The following KCNA2 variants were observed in gnomAD, a reference collection of about 807,000 sequenced individuals.
The protein encoded by KCNA2 is potassium channel, voltage gated shaker related subfamily A, member 2.
KCNA2 carries 11 observed loss-of-function variants against 33.4 expected under a neutral mutation model. The ratio of observed to expected loss-of-function variants is 0.33; its 90% CI spans 0.21 to 0.55. The LOEUF is 0.55. Among genes scored for constraint, KCNA2 ranks in the 20% least tolerant of loss-of-function variants. KCNA2 has a pLI of 0.93. For missense variants in KCNA2, 291 were observed against 621.6 expected (o/e 0.47, Z 5.66); for synonymous variants, 222 against 231.3 (o/e 0.96, Z 0.37).
rs1356261638 is a variant in KCNA2 at position 110,595,126 on chromosome 1, C to G, written c.*8157G>C. 1 of 984,678 alleles carries G rather than the reference C, an allele frequency of 1.0e-6. No individual in the cohort carries two copies. Among genetic ancestry groups the G allele is most frequent in the Admixed American group, 6.2e-5 (1 of 16,224 alleles). The allele number at this position is 984,678 out of a possible 1,614,324, so 61.0% of individuals were successfully genotyped here. On this transcript the variant is annotated 3_prime_UTR_variant, in exon 3 of 3. Transcript: ENST00000316361. ...GTCCTCTGGATAGCTACCAAGGGTCCTAGCACACAGCCACATCTACACTGC... is the reference window on the plus strand; with the variant it reads ...GTCCTCTGGATAGCTACCAAGGGTCGTAGCACACAGCCACATCTACACTGC...
At chr1:110,629,547 C>A (rs999457769) in intron 1 of KCNA2, among the ~76,000 whole-genome samples, 1 of 152,176 alleles carries the variant, frequency 6.6e-6, no homozygotes, top group South Asian at 2.1e-4. Context: ...TCTTCCTCAG[C>A]ACAGTTACTC....
At chr1:110,630,384 T>C (rs942067997) in intron 1 of KCNA2, among the ~76,000 whole-genome samples, 15 of 152,206 alleles carry the variant, frequency 9.9e-5, no homozygotes, top group African/African-American at 3.4e-4. Context: ...TGAGTTACTA[T>C]GTATTATTTG....
chr1:110,599,818 T>A lies in KCNA2; in HGVS notation c.*3465A>T, dbSNP rs527709220. On this transcript the variant is annotated 3_prime_UTR_variant, in exon 3 of 3. Coordinates refer to ENST00000316361, the MANE Select transcript of KCNA2 (RefSeq NM_004974.4). ...AAGGGGAGCCTGGGCTATTGGGTTG[T>A]CTGTGCGGATTTGCTGGAAGGAAGG... 1.0e-6 allele frequency: 1 copy of A among 985,394 alleles called. No homozygotes were observed. The highest frequency in any genetic ancestry group is 1.7e-5 in the African/African-American group (1 of 57,192). 61.0% of individuals were successfully genotyped at this position (985,394 alleles called of 1,614,324 possible).
chr1:110,629,357 T>C (rs985056701), intron 1 of KCNA2, among the ~76,000 whole-genome samples: 1 of 152,220 alleles, frequency 6.6e-6, no homozygotes, highest in African/African-American at 2.4e-5. Flanking sequence ...ATTTTTATTA[T>C]AGAAATTGAA....
Position 110,604,656 on chromosome 1 carries a change from G to T in KCNA2, c.127C>A (p.Arg43=). ...AAGGTCTTTAGCTGGGTCTCAAACCGCAGCCCTGAGATGTTGATCACCACC... is the reference window on the plus strand; with the variant it reads ...AAGGTCTTTAGCTGGGTCTCAAACCTCAGCCCTGAGATGTTGATCACCACC... The part of the protein sequence containing the change: ...ERVVINISGL[R]FETQLKTLAQ... The change falls in exon 3 of 3, where the codon CGG becomes AGG. Residue 43 remains arginine, a synonymous_variant. Coordinates refer to ENST00000316361, the MANE Select transcript of KCNA2 (RefSeq NM_004974.4). This position sits in a 1 kb window ranked among gnomAD's most constrained non-coding sequence, Gnocchi z 7.6. 2 of 1,614,166 alleles carry T rather than the reference G, an allele frequency of 1.2e-6. No individual in the cohort carries two copies. The highest frequency in any genetic ancestry group is 2.2e-5 in the South Asian group (2 of 91,082).
chr1:110,604,429 C>T lies in KCNA2; in HGVS notation c.354G>A (p.Leu118=). ...IFSEEIRFYE[L]GEEAMEMFRE... Reference sequence around the variant, plus strand: ...GAAACATCTCCATCGCTTCTTCTCCCAGCTCATAAAACCGAATTTCTTCAG... The same window carrying T: ...GAAACATCTCCATCGCTTCTTCTCCTAGCTCATAAAACCGAATTTCTTCAG... Residue 118 remains leucine, a synonymous_variant, in exon 3 of 3, where the codon CTG becomes CTA. Transcript: ENST00000316361. The surrounding 1 kb of genome is among the most constrained non-coding windows in gnomAD (Gnocchi z 7.6). 1 of 1,614,158 alleles carries T rather than the reference C, an allele frequency of 6.2e-7. No homozygotes were observed. The highest frequency in any genetic ancestry group is 8.5e-7 in the Non-Finnish European group (1 of 1,180,038).
intron 1 of KCNA2, among the ~76,000 whole-genome samples, chr1:110,622,200 G>T (rs1037021321): frequency 6.6e-6 from 1 of 152,056 alleles, no homozygotes; most frequent in African/African-American, 2.4e-5. Context: ...TTAACTTTAA[G>T]AAATCAATGT....
At chr1:110,626,929 TAAG>T (rs946590799) in intron 1 of KCNA2, among the ~76,000 whole-genome samples, 2 of 152,218 alleles carry the variant, frequency 1.3e-5, no homozygotes, top group Non-Finnish European at 2.9e-5. Flanking sequence ...AGTCTTAGTA[TAAG>T]AAGAATGTGA....
At position 110,597,556 on chromosome 1, in the gene KCNA2, A is replaced by G; in HGVS notation, c.*5727T>C. 2.0e-6 allele frequency: 2 copies of G among 985,444 alleles called. No homozygotes were observed. Among genetic ancestry groups the G allele is most frequent in the Non-Finnish European group, 2.4e-6 (2 of 829,922 alleles). 61.0% of individuals were successfully genotyped at this position (985,444 alleles called of 1,614,324 possible). A position where few individuals can be genotyped will look rare whatever the true frequency, so the allele number is the denominator to read the frequency against. On this transcript the variant is annotated 3_prime_UTR_variant, in exon 3 of 3. Coordinates refer to ENST00000316361, the MANE Select transcript of KCNA2 (RefSeq NM_004974.4). ...GGAGACAAAGTGACAAAGCCCTCTC[A>G]CAGGCCTTCCTTGTGCATACACTGC...
rs1483571361 is a variant in KCNA2, at chr1:110,598,243, A to G, written c.*5040T>C. 3.6e-6 allele frequency: 2 copies of G among 550,120 alleles called. No homozygotes were observed. Among genetic ancestry groups the G allele is most frequent in the African/African-American group, 2.1e-5 (1 of 48,724 alleles). 34.1% of individuals were successfully genotyped at this position (550,120 alleles called of 1,614,324 possible). On this transcript the variant is annotated 3_prime_UTR_variant, in exon 3 of 3. Coordinates refer to ENST00000316361, the MANE Select transcript of KCNA2 (RefSeq NM_004974.4). ...CACCCACATACAAGTTATTATGACA[A>G]TGGGCCCCAGGAAAGCTCTGGGGAG...
In KCNA2 at chr1:110,601,350, G is replaced by T; in HGVS notation, c.*1933C>A. On this transcript the variant is annotated 3_prime_UTR_variant, in exon 3 of 3. Coordinates refer to ENST00000316361, the MANE Select transcript of KCNA2 (RefSeq NM_004974.4). ...GGAGTCCTACTCCTTGGTGTCCTTG[G>T]TTTCAAAGCAGGGGATCCATTCTGG... 1 of 985,420 alleles carries T rather than the reference G, an allele frequency of 1.0e-6. No homozygotes were observed. Among genetic ancestry groups the T allele is most frequent in the Non-Finnish European group, 1.2e-6 (1 of 829,940 alleles). 61.0% of individuals were successfully genotyped at this position (985,420 alleles called of 1,614,324 possible).
In KCNA2 at chr1:110,594,539, T is replaced by G; in HGVS notation, c.*8744A>C. 3 of 985,208 alleles carry G rather than the reference T, an allele frequency of 3.0e-6. No individual in the cohort carries two copies. The highest frequency in any genetic ancestry group is 3.6e-6 in the Non-Finnish European group (3 of 829,894). 61.0% of individuals were successfully genotyped at this position (985,208 alleles called of 1,614,324 possible). ...AGATTATCCTTAGTGGAGAGAGGGG[T>G]GCAGGGATGCAGAAAACCAGGAAGA... On this transcript the variant is annotated 3_prime_UTR_variant, in exon 3 of 3. Coordinates refer to ENST00000316361, the MANE Select transcript of KCNA2 (RefSeq NM_004974.4).
rs891710741 is a variant in KCNA2 at position 110,599,686 on chromosome 1, T to C, written c.*3597A>G. On this transcript the variant is annotated 3_prime_UTR_variant, in exon 3 of 3. Transcript: ENST00000316361. ...ATAAAATCTGTGGGCTTAGAGAATG[T>C]TGGGGACATCTTTACCCTGGTCCTG... is the stretch of plus-strand genomic sequence containing the variant. The C allele has an allele frequency of 1.4e-5, 14 of 985,306 alleles. No individual in the cohort carries two copies. The highest frequency in any genetic ancestry group is 5.2e-4 in the Middle Eastern group (1 of 1,936). The allele number at this position is 985,306 out of a possible 1,614,324, so 61.0% of individuals were successfully genotyped here.
intron 1 of KCNA2, among the ~76,000 whole-genome samples, chr1:110,620,243 G>T (rs1180885197): frequency 6.6e-6 from 1 of 152,100 alleles, no homozygotes; most frequent in Admixed American, 6.5e-5. Context: ...TGTCAGGCAG[G>T]TTAGCCTTGG....
chr1:110,619,502 G>C (rs1449901647), intron 1 of KCNA2, among the ~76,000 whole-genome samples: 2 of 152,264 alleles, frequency 1.3e-5, no homozygotes, highest in Admixed American at 1.3e-4. Flanking sequence ...AGACGCACGA[G>C]CTGCCACTGG....
chr1:110,603,673 G>C lies in KCNA2; in HGVS notation c.1110C>G (p.Val370=), dbSNP rs746352821. ...CTCCATAGCCTACAGTTGTCATGGAGACGACTGCCCACCAGAAGGCATCTG... is the reference window on the plus strand; with the variant it reads ...CTCCATAGCCTACAGTTGTCATGGACACGACTGCCCACCAGAAGGCATCTG... ...SIPDAFWWAV[V]SMTTVGYGDM... is the part of the protein sequence containing the mutation. The change falls in exon 3 of 3, where the codon GTC becomes GTG. Residue 370 remains valine (V), a synonymous_variant. Transcript: ENST00000316361. This position sits in a 1 kb window ranked among gnomAD's most constrained non-coding sequence, Gnocchi z 5.7. 1.2e-6 allele frequency: 2 copies of C among 1,614,134 alleles called. No individual in the cohort carries two copies. Among genetic ancestry groups the C allele is most frequent in the Non-Finnish European group, 1.7e-6 (2 of 1,180,030 alleles).
chr1:110,611,454 C>A, intron 1 of KCNA2, among the ~76,000 whole-genome samples: 1 of 152,190 alleles, frequency 6.6e-6, no homozygotes, highest in East Asian at 1.9e-4. Context: ...TCTTTTATTA[C>A]AAGGTGGCTC....
At chr1:110,620,434 C>G (rs1259259495) in intron 1 of KCNA2, among the ~76,000 whole-genome samples, 1 of 152,152 alleles carries the variant, frequency 6.6e-6, no homozygotes, top group Non-Finnish European at 1.5e-5. Context: ...AACTCTGTCT[C>G]CCAGGCATGG....
At chr1:110,610,901 G>A (rs554524335), upstream of KCNA2, among the ~76,000 whole-genome samples, 1 of 152,198 alleles carries the variant, frequency 6.6e-6, no homozygotes, top group East Asian at 1.9e-4. Flanking sequence ...GACCAGGGCC[G>A]TGGTCTGTGC....
Sources: gnomAD v4.1 joint callset for allele counts (sites outside exome capture counted in the v4.1 genomes callset) on GRCh38, gnomAD v4.1.1 for gene constraint, Gnocchi (gnomAD v3.1) non-coding constraint, MANE v1.5 for transcripts, NCBI Gene and HGNC (gene_info 2026-07-23, HGNC 2026-07-21) for gene names.